Variants in TMBIM1 observed in about 807,000 individuals in gnomAD.
TMBIM1 encodes protein lifeguard 3.
In TMBIM1, 34 loss-of-function variants were observed where a neutral mutation model predicts 45.1. The observed-to-expected ratio is 0.75, with a 90% confidence interval of 0.57 to 1.00. The LOEUF (loss-of-function observed/expected upper bound fraction) is 1.00, where lower values mean the gene tolerates loss of function less well. TMBIM1 is among the 50% of genes least tolerant of loss of function. The pLI is 0.00. For missense variants in TMBIM1, 374 were observed against 402.4 expected, an observed-to-expected ratio of 0.93 and a Z score of 0.60; for synonymous variants, 157 against 153.5, an observed-to-expected ratio of 1.02 and a Z score of -0.17.
rs1418270889 is a variant in TMBIM1 at position 218,275,206 on chromosome 2, A to T, written c.*269T>A. 1 of 353,606 alleles carries T rather than the reference A, an allele frequency of 2.8e-6. No individual in the cohort carries two copies. The highest frequency in any genetic ancestry group is 2.1e-5 in the African/African-American group (1 of 47,640). 21.9% of individuals were successfully genotyped at this position (353,606 alleles called of 1,614,324 possible). On this transcript the variant is annotated 3_prime_UTR_variant, in exon 12 of 12. Transcript: ENST00000258412. ...CAGCTGTTAGGAAGAATGTGGTGTC[A>T]TACAGTAGGTGGCGGGGAGAAGACA...
At chr2:218,289,534 C>T (rs1459562341) in intron 1 of TMBIM1, among the ~76,000 whole-genome samples, 2 of 140,404 alleles carry the variant, frequency 1.4e-5, no homozygotes, top group African/African-American at 2.6e-5. Context: ...CCCAGCTTCT[C>T]GGGAGGCTGA....
At chr2:218,291,578 C>T (rs1406707338) in intron 1 of TMBIM1, among the ~76,000 whole-genome samples, 7 of 152,124 alleles carry the variant, frequency 4.6e-5, no homozygotes, top group African/African-American at 1.7e-4. Context: ...CTGGGTACCA[C>T]GTAGAGGCCA....
chr2:218,277,821 G>C, intron 7 of TMBIM1, 114 bp downstream of exon 7: 5 of 1,552,772 alleles, frequency 3.2e-6, no homozygotes, highest in East Asian at 4.5e-5. Flanking sequence ...AGGCGGCCCA[G>C]ATAAGGTGGA....
In TMBIM1 at chr2:218,275,227, A is replaced by T; in HGVS notation, c.*248T>A. 1 of 397,634 alleles carries T rather than the reference A, an allele frequency of 2.5e-6. No individual in the cohort carries two copies. Among genetic ancestry groups the T allele is most frequent in the South Asian group, 6.7e-5 (1 of 15,018 alleles). 24.6% of individuals were successfully genotyped at this position (397,634 alleles called of 1,614,324 possible). A position where few individuals can be genotyped will look rare whatever the true frequency, so the allele number is the denominator to read the frequency against. On this transcript the variant is annotated 3_prime_UTR_variant, in exon 12 of 12. Coordinates refer to ENST00000258412, the MANE Select transcript of TMBIM1 (RefSeq NM_022152.6). ...TGTCATACAGTAGGTGGCGGGGAGA[A>T]GACACATCTTCAGCCTAGTCCCTGC...
In TMBIM1 at chr2:218,282,108, C is replaced by G; in HGVS notation, c.34G>C (p.Asp12His). 1.9e-6 allele frequency: 3 copies of G among 1,548,500 alleles called. No individual in the cohort carries two copies. The highest frequency in any genetic ancestry group is 2.6e-6 in the Non-Finnish European group (3 of 1,148,496). ...GGGCCTGGGTACAGGGGGTTGCGGT[C>G]TTCATATGGTGGTGGGGCGCTGGGG... Reference protein sequence around the residue: ...SNPSAPPPYEDRNPLYPGPPP... With the variant: ...SNPSAPPPYEHRNPLYPGPPP... Residue 12 changes from aspartate (D) to histidine (H), a missense_variant, in exon 2 of 12, where the codon GAC (aspartate) becomes CAC (histidine). Coordinates refer to ENST00000258412, the MANE Select transcript of TMBIM1 (RefSeq NM_022152.6).
chr2:218,288,824 G>A (rs887832617), intron 1 of TMBIM1, among the ~76,000 whole-genome samples: 1 of 152,036 alleles, frequency 6.6e-6, no homozygotes, highest in Non-Finnish European at 1.5e-5. Flanking sequence ...AAAAGGGAGG[G>A]AAGGAAATTG....
intron 1 of TMBIM1, among the ~76,000 whole-genome samples, chr2:218,291,945 C>A (rs1056310033): frequency 6.6e-6 from 1 of 152,084 alleles, no homozygotes; most frequent in Non-Finnish European, 1.5e-5. Flanking sequence ...TAGGACCCCC[C>A]CTTCCCCACC....
In TMBIM1 at chr2:218,276,422, G is replaced by A. The variant is rs35262118; in HGVS notation, c.736-343C>T. ...GACCAGTTCCTACAGCCCAGCCTGG[G>A]AGGGGTAGACTAAGGAAGAAGGGAG... On this transcript the variant is annotated intron_variant, in intron 10 of 11. Transcript: ENST00000258412. Among the ~76,000 whole-genome samples the A allele has an allele frequency of 8.5e-5, 13 of 152,270 alleles. No homozygotes were observed. The East Asian group carries it at 1.7e-3, about 20-fold the overall frequency.
intron 1 of TMBIM1, among the ~76,000 whole-genome samples, chr2:218,282,867 G>A (rs935886829): frequency 1.3e-5 from 2 of 152,222 alleles, no homozygotes; most frequent in African/African-American, 2.4e-5. Context: ...GCCAGCTTGA[G>A]ACAGGACTTT....
rs574301262 is a variant in TMBIM1 at position 218,279,370 on chromosome 2, G to A, written c.304-17C>T. ...GGAGTAAACCTGGACACAGACGGCC[G>A]GGCATGGGTCACCATCCGGCACCCC... On this transcript the variant is annotated splice_polypyrimidine_tract_variant and intron_variant, in intron 3 of 11. Transcript: ENST00000258412. The A allele has an allele frequency of 2.8e-5, 43 of 1,541,712 alleles. No homozygotes were observed. In the Middle Eastern group the frequency reaches 5.3e-4, roughly 19 times the overall value.
rs199711733 is a variant in TMBIM1 at position 218,275,478 on chromosome 2, A to G, written c.933T>C (p.Asn311=). The G allele has an allele frequency of 7.2e-5, 116 of 1,612,716 alleles. No homozygotes were observed. The highest frequency in any genetic ancestry group is 1.4e-5 in the Non-Finnish European group (17 of 1,179,206). Residue 311 remains asparagine, a synonymous_variant, in exon 12 of 12, where the codon AAT becomes AAC. Coordinates refer to ENST00000258412, the MANE Select transcript of TMBIM1 (RefSeq NM_022152.6). ...GGTGAAAATGGGGGCTTGCTCCTTAATTGCGATCCCCCATCAGCTGCAGCA... is the reference window on the plus strand; with the variant it reads ...GGTGAAAATGGGGGCTTGCTCCTTAGTTGCGATCCCCCATCAGCTGCAGCA... The part of the protein sequence containing the change: ...TFVLQLMGDR[N]
chr2:218,281,580 C>T (rs981534102), intron 2 of TMBIM1, among the ~76,000 whole-genome samples: 7 of 152,200 alleles, frequency 4.6e-5, no homozygotes, highest in African/African-American at 1.7e-4. Flanking sequence ...CTAAGGAAGT[C>T]GACAGGTCTG....
At chr2:218,279,595 C>T (rs1691651063) in intron 3 of TMBIM1, 1 of 512,464 alleles carries the variant, frequency 2.0e-6, no homozygotes, top group Non-Finnish European at 3.5e-6. Context: ...CTGACTTGCC[C>T]TGCCTGGCCA....
intron 3 of TMBIM1, among the ~76,000 whole-genome samples, chr2:218,279,744 G>A (rs997995320): frequency 7.2e-5 from 11 of 152,218 alleles, no homozygotes; most frequent in Non-Finnish European, 1.5e-4. Context: ...AAGGGAGAAA[G>A]ATGTCTGGGG....
At chr2:218,290,429 C>G (rs1692858497) in intron 1 of TMBIM1, among the ~76,000 whole-genome samples, 2 of 152,230 alleles carry the variant, frequency 1.3e-5, no homozygotes, top group Admixed American at 6.5e-5. Context: ...CTTATAACCT[C>G]TGTGCGTACA....
chr2:218,278,197 G>T, intron 6 of TMBIM1: 1 of 615,088 alleles, frequency 1.6e-6, no homozygotes, highest in Non-Finnish European at 2.8e-6. Context: ...ACCTGGATTG[G>T]TTTGCAACTC....
At chr2:218,289,446 A>T (rs1029019664) in intron 1 of TMBIM1, among the ~76,000 whole-genome samples, 2 of 152,054 alleles carry the variant, frequency 1.3e-5, no homozygotes, top group Non-Finnish European at 2.9e-5. Context: ...GTTCGAGACC[A>T]GCCTGGCCAA....
At chr2:218,279,172 C>A in intron 4 of TMBIM1, 81 bp from the exon 5 acceptor site, 1 of 1,595,604 alleles carries the variant, frequency 6.3e-7, no homozygotes, top group East Asian at 2.2e-5. Context: ...CCTGGCTTCA[C>A]CTTCTCTAAT....
chr2:218,278,385 T>C lies in TMBIM1; in HGVS notation c.473+130A>G, dbSNP rs185931805. The C allele has an allele frequency of 4.2e-4, 404 of 958,612 alleles. 1 individual carries two copies. The African/African-American group carries it at 5.7e-3, about 13-fold the overall frequency. The allele number at this position is 958,612 out of a possible 1,614,324, so 59.4% of individuals were successfully genotyped here. On this transcript the variant is annotated intron_variant, in intron 6 of 11. Coordinates refer to ENST00000258412, the MANE Select transcript of TMBIM1 (RefSeq NM_022152.6). Reference sequence around the variant, plus strand: ...GTATACACCTGAACAGTAGCTGTCATCGTCATCCTCCTCCTCATTTCTTGT... The same window carrying C: ...GTATACACCTGAACAGTAGCTGTCACCGTCATCCTCCTCCTCATTTCTTGT...
Sources: gnomAD v4.1 joint callset for allele counts (sites outside exome capture counted in the v4.1 genomes callset) on GRCh38, gnomAD v4.1.1 for gene constraint, MANE v1.5 for transcripts, NCBI Gene and HGNC (gene_info 2026-07-23, HGNC 2026-07-21) for gene names.